The following ZNF100 variants were observed in gnomAD, a reference collection of about 807,000 sequenced individuals.
ZNF100 encodes zinc finger protein 100 (Y1).
A neutral mutation model predicts 15.8 loss-of-function variants in ZNF100; 12 were observed. The observed-to-expected ratio is 0.76, with a 90% CI of 0.49 to 1.23. The LOEUF (loss-of-function observed/expected upper bound fraction) is 1.23, where lower values mean the gene tolerates loss of function less well. ZNF100 is among the 50% of genes most tolerant of loss of function. The pLI is 0.00. For synonymous variants in ZNF100, 226 were observed against 214.8 expected (o/e 1.05, Z -0.45); for missense variants, 670 against 635.6 (o/e 1.05, Z -0.58).
chr19:21,762,326 C>T (rs1280742230), intron 2 of ZNF100, among the ~76,000 whole-genome samples: 1 of 152,192 alleles, frequency 6.6e-6, no homozygotes, highest in Admixed American at 6.5e-5. Flanking sequence ...CCACGACTTC[C>T]TATCAGCTTG....
chr19:21,760,978 T>C (rs1353506606), intron 2 of ZNF100, among the ~76,000 whole-genome samples: 1 of 151,998 alleles, frequency 6.6e-6, no homozygotes, highest in Admixed American at 6.6e-5. Flanking sequence ...CAGGATAGTC[T>C]TGATCTCCTG....
chr19:21,747,074 C>T (rs1367459441), intron 2 of ZNF100, among the ~76,000 whole-genome samples: 2 of 152,132 alleles, frequency 1.3e-5, no homozygotes, highest in Non-Finnish European at 2.9e-5. Context: ...ATGTAAGTTT[C>T]TCCTTTCCTG....
Position 21,765,795 on chromosome 19 carries a change from G to C in ZNF100, c.4-9C>G. The C allele has an allele frequency of 6.2e-7, 1 of 1,613,602 alleles. No homozygotes were observed. The highest frequency in any genetic ancestry group is 1.1e-5 in the South Asian group (1 of 91,050). On this transcript the variant is annotated splice_polypyrimidine_tract_variant and intron_variant, in intron 1 of 4. Coordinates refer to ENST00000358296, the MANE Select transcript of ZNF100 (RefSeq NM_173531.4). ...CCATACCTCGGGTCATCCTACGGGA[G>C]AAAATAAACCAGAAGCTGACATTCA... is the stretch of plus-strand genomic sequence containing the variant.
At chr19:21,755,978 G>A (rs777030519) in intron 2 of ZNF100, among the ~76,000 whole-genome samples, 14 of 152,044 alleles carry the variant, frequency 9.2e-5, no homozygotes, top group Non-Finnish European at 1.5e-4. Context: ...GTGAATAGGC[G>A]CACCAAACCA....
chr19:21,729,722 T>C (rs1304388202), intron 4 of ZNF100, among the ~76,000 whole-genome samples: 1 of 152,122 alleles, frequency 6.6e-6, no homozygotes. Flanking sequence ...ATCATAATGG[T>C]GCAGAAAACA....
rs964763941 is a variant in ZNF100 at position 21,724,017 on chromosome 19, TCA to T, written c.*2664_*2665del. 2 of 152,294 alleles carry T rather than the reference TCA, an allele frequency of 1.3e-5. No homozygotes were observed. Among genetic ancestry groups the T allele is most frequent in the African/African-American group, 4.8e-5 (2 of 41,552 alleles). 9.4% of individuals were successfully genotyped at this position (152,294 alleles called of 1,614,324 possible). On this transcript the variant is annotated 3_prime_UTR_variant, in exon 5 of 5. Coordinates refer to ENST00000358296, the MANE Select transcript of ZNF100 (RefSeq NM_173531.4). ...AATTTTGTAAAAATTATTCTTATAA[TCA>T]CAGACCAGCTCACATAATGAATACT...
intron 3 of ZNF100, 128 bp from the exon 4 acceptor site, chr19:21,744,243 A>G: frequency 1.2e-6 from 1 of 849,596 alleles, no homozygotes; most frequent in Non-Finnish European, 1.6e-6. Flanking sequence ...TTAATGAGAG[A>G]AATTTCTAAA....
At chr19:21,740,000 T>G (rs2036080736) in intron 4 of ZNF100, among the ~76,000 whole-genome samples, 1 of 152,200 alleles carries the variant, frequency 6.6e-6, no homozygotes, top group South Asian at 2.1e-4. Context: ...CTTTAAAATT[T>G]TTAAATGTGA....
chr19:21,753,296 G>A (rs142699255), intron 2 of ZNF100: 23 of 152,278 alleles, frequency 1.5e-4, no homozygotes, highest in Admixed American at 4.6e-4. Flanking sequence ...GAAATGCACC[G>A]GGCATAGTGA....
At chr19:21,733,441 G>GATT (rs1040313931) in intron 4 of ZNF100, among the ~76,000 whole-genome samples, 4 of 151,950 alleles carry the variant, frequency 2.6e-5, no homozygotes, top group African/African-American at 9.7e-5. Flanking sequence ...ATTTCAAGAT[G>GATT]ATTACATTAT....
chr19:21,763,595 A>C (rs932046586), intron 2 of ZNF100, among the ~76,000 whole-genome samples: 1 of 150,262 alleles, frequency 6.7e-6, no homozygotes, highest in Non-Finnish European at 1.5e-5. Context: ...TCCCGGGGGG[A>C]AAAAAATCAG....
At chr19:21,765,815 C>T in intron 1 of ZNF100, 29 bp from the exon 2 acceptor site, 1 of 1,591,702 alleles carries the variant, frequency 6.3e-7, no homozygotes, top group Non-Finnish European at 8.6e-7. Flanking sequence ...CAGAAGCTGA[C>T]ATTCACTAGG....
At position 21,723,376 on chromosome 19, in the gene ZNF100, A is replaced by C. The variant is rs943428151; in HGVS notation, c.*3307T>G. ...ACTCTGTCTCAAAAAAAAAAAAAAAAAAAAAAACAACCAACTTTCTCGTCA... is the reference window on the plus strand; with the variant it reads ...ACTCTGTCTCAAAAAAAAAAAAAAACAAAAAAACAACCAACTTTCTCGTCA... On this transcript the variant is annotated 3_prime_UTR_variant, in exon 5 of 5. Transcript: ENST00000358296. The C allele has an allele frequency of 6.6e-6, 1 of 151,646 alleles. No individual in the cohort carries two copies. The highest frequency in any genetic ancestry group is 6.6e-5 in the Admixed American group (1 of 15,166). The allele number at this position is 151,646 out of a possible 1,614,324, so 9.4% of individuals were successfully genotyped here.
At chr19:21,748,985 C>T (rs2036257671) in intron 2 of ZNF100, among the ~76,000 whole-genome samples, 1 of 152,170 alleles carries the variant, frequency 6.6e-6, no homozygotes, top group Non-Finnish European at 1.5e-5. Flanking sequence ...GGATTACAGG[C>T]GTGAGCCACT....
At chr19:21,746,090 T>C (rs1323344320) in intron 2 of ZNF100, among the ~76,000 whole-genome samples, 1 of 152,232 alleles carries the variant, frequency 6.6e-6, no homozygotes, top group East Asian at 1.9e-4. Context: ...AACTCTGTAG[T>C]GAAAGAAATA....
Position 21,767,555 on chromosome 19 carries a change from T to C in ZNF100, c.-126A>G. On this transcript the variant is annotated 5_prime_UTR_variant, in exon 1 of 5. Coordinates refer to ENST00000358296, the MANE Select transcript of ZNF100 (RefSeq NM_173531.4). ...GAGAAGTGAGAGCAAAACCTGGAGC[T>C]CCGGCTACAGCGAGAGACAAAGACC... 7.1e-7 allele frequency: 1 copy of C among 1,411,860 alleles called. No homozygotes were observed. The highest frequency in any genetic ancestry group is 9.6e-7 in the Non-Finnish European group (1 of 1,036,572). The allele number at this position is 1,411,860 out of a possible 1,614,324, so 87.5% of individuals were successfully genotyped here.
chr19:21,732,519 A>G (rs1208508419), intron 4 of ZNF100, among the ~76,000 whole-genome samples: 1 of 152,080 alleles, frequency 6.6e-6, no homozygotes, highest in East Asian at 1.9e-4. Flanking sequence ...CTTAAATTGT[A>G]CAGAGTTAAA....
Position 21,767,548 on chromosome 19 carries a change from C to CATGAGGACACTTTTA in ZNF100, c.-120_-119insTAAAAGTGTCCTCAT. On this transcript the variant is annotated 5_prime_UTR_variant, in exon 1 of 5. In the 5' UTR this introduces an upstream ATG that the reference lacks. Coordinates refer to ENST00000358296, the MANE Select transcript of ZNF100 (RefSeq NM_173531.4). ...AGACACAGAGAAGTGAGAGCAAAACCTGGAGCTCCGGCTACAGCGAGAGAC... is the reference window on the plus strand; with the variant it reads ...AGACACAGAGAAGTGAGAGCAAAACCATGAGGACACTTTTATGGAGCTCCGGCTACAGCGAGAGAC... The CATGAGGACACTTTTA allele has an allele frequency of 2.6e-5, 38 of 1,454,580 alleles. No homozygotes were observed. The highest frequency in any genetic ancestry group is 4.1e-5 in the Admixed American group (2 of 48,424). The allele number at this position is 1,454,580 out of a possible 1,614,324, so 90.1% of individuals were successfully genotyped here.
intron 2 of ZNF100, chr19:21,751,433 CTT>C: frequency 1.2e-6 from 1 of 838,894 alleles, no homozygotes; most frequent in Non-Finnish European, 2.1e-6. Context: ...TGTTCATACT[CTT>C]TTTAGTGCTG....
Sources: gnomAD v4.1 joint callset for allele counts (sites outside exome capture counted in the v4.1 genomes callset) on GRCh38, gnomAD v4.1.1 for gene constraint, MANE v1.5 for transcripts, NCBI Gene and HGNC (gene_info 2026-07-23, HGNC 2026-07-21) for gene names.